The following LARGE1 variants were observed in gnomAD, a reference collection of about 807,000 sequenced individuals.
The protein encoded by LARGE1 is LARGE xylosyl- and glucuronyltransferase 1, also known as xylosyl- and glucuronyltransferase LARGE1.
A neutral mutation model predicts 87.6 loss-of-function variants in LARGE1; 43 were observed. That is an observed-to-expected ratio of 0.49 (90% CI 0.38 to 0.63). The LOEUF (loss-of-function observed/expected upper bound fraction) is 0.63. Among genes scored for constraint, LARGE1 ranks in the 30% least tolerant of loss-of-function variants. LARGE1 has a pLI of 0.00. For synonymous variants in LARGE1, 434 were observed against 394.6 expected, an observed-to-expected ratio of 1.10 and a Z score of -1.18; for missense variants, 802 against 1,000.2, an observed-to-expected ratio of 0.80 and a Z score of 2.67.
chr22:33,635,648 A>C (rs1377813148), intron 3 of LARGE1, among the ~76,000 whole-genome samples: 5 of 152,194 alleles, frequency 3.3e-5, no homozygotes, highest in Non-Finnish European at 7.3e-5. Flanking sequence ...TAACTTGCCC[A>C]AGGTCCGAGG....
chr22:33,124,184 G>A, the LARGE1 span, among the ~76,000 whole-genome samples: 2 of 151,912 alleles, frequency 1.3e-5, no homozygotes, highest in Non-Finnish European at 2.9e-5. Context: ...CTACTCGAGC[G>A]GCTGAGGCAG....
chr22:33,584,257 T>C (rs776078930), intron 5 of LARGE1, among the ~76,000 whole-genome samples: 1 of 152,192 alleles, frequency 6.6e-6, no homozygotes, highest in Non-Finnish European at 1.5e-5. Flanking sequence ...AAGAGCAAGA[T>C]AAAATGCTCT....
intron 11 of LARGE1, among the ~76,000 whole-genome samples, chr22:33,239,779 C>T (rs565714413): frequency 2.0e-5 from 3 of 151,898 alleles, no homozygotes; most frequent in East Asian, 1.9e-4. Flanking sequence ...CCTTGTGATC[C>T]GCCCACCTCG....
intron 12 of LARGE1, among the ~76,000 whole-genome samples, chr22:33,300,189 C>T (rs186331032): frequency 2.0e-4 from 30 of 152,318 alleles, no homozygotes; most frequent in Admixed American, 1.4e-3. Context: ...TGGAGGAAGG[C>T]TGCTTTCCTC....
At position 33,277,177 on chromosome 22, in the gene LARGE1, C is replaced by T. The variant is rs761887557; in HGVS notation, c.1956G>A (p.Glu652=). 1.4e-5 allele frequency: 23 copies of T among 1,614,276 alleles called. No homozygotes were observed. Among genetic ancestry groups the T allele is most frequent in the Non-Finnish European group, 1.9e-5 (23 of 1,180,046 alleles). ...WRTATTPYRV[E]WEADFEPYVV... ...CATACGGCTCAAAATCGGCCTCCCA[C>T]TCAACCCGGTAAGGCGTGGTGGCGG... is the stretch of plus-strand genomic sequence containing the variant. Residue 652 remains glutamate (E), a synonymous_variant, in exon 14 of 15, where the codon GAG becomes GAA. Coordinates refer to ENST00000397394, the MANE Select transcript of LARGE1 (RefSeq NM_133642.5).
chr22:33,166,173 T>C (rs1922255542), exon 12 of LARGE1: 1 of 152,234 alleles, frequency 6.6e-6, no homozygotes, highest in Non-Finnish European at 1.5e-5. Context: ...TTTACGTTGG[T>C]GTTTAAGACT....
At chr22:33,687,415 C>T (rs1470471614) in intron 2 of LARGE1, among the ~76,000 whole-genome samples, 1 of 151,380 alleles carries the variant, frequency 6.6e-6, no homozygotes, top group Non-Finnish European at 1.5e-5. Context: ...TATTCATTAC[C>T]AGCCGATAGA....
At chr22:33,842,595 G>A (rs1193957144) in intron 1 of LARGE1, among the ~76,000 whole-genome samples, 1 of 152,102 alleles carries the variant, frequency 6.6e-6, no homozygotes, top group African/African-American at 2.4e-5. Context: ...AAAACCTGAC[G>A]CGTGCAGGTG....
intron 5 of LARGE1, among the ~76,000 whole-genome samples, chr22:33,594,320 C>A (rs564928464): frequency 1.3e-5 from 2 of 152,204 alleles, no homozygotes; most frequent in East Asian, 3.9e-4. Flanking sequence ...TAACTTTTTC[C>A]AACAACACCT....
At chr22:33,315,287 C>T (rs1343562741) in intron 11 of LARGE1, among the ~76,000 whole-genome samples, 3 of 152,230 alleles carry the variant, frequency 2.0e-5, no homozygotes, top group African/African-American at 7.2e-5. Context: ...ACGTGTTATA[C>T]AACTCCCGAG....
Position 33,789,169 on chromosome 22 carries a change from T to G in LARGE1, c.-82-27611A>C, listed in dbSNP as rs549255558. 1.3e-4 allele frequency among the ~76,000 whole-genome samples: 20 copies of G among 152,322 alleles called. No individual in the cohort carries two copies. In the East Asian group the frequency reaches 3.9e-3, roughly 29 times the overall value. On this transcript the variant is annotated intron_variant, in intron 1 of 14. Coordinates refer to ENST00000397394, the MANE Select transcript of LARGE1 (RefSeq NM_133642.5). ...TTGCTGCTTTCTGCTGTCTCAGGAC[T>G]TGGTGCCCTGTGTCCCAGCCGTGGC...
At chr22:33,869,349 A>G (rs1398800436) in intron 1 of LARGE1, among the ~76,000 whole-genome samples, 1 of 152,114 alleles carries the variant, frequency 6.6e-6, no homozygotes, top group African/African-American at 2.4e-5. Flanking sequence ...GACTGTTTCC[A>G]TAGATATCTA....
At chr22:33,473,189 A>T (rs1360937744) in intron 6 of LARGE1, among the ~76,000 whole-genome samples, 1 of 149,292 alleles carries the variant, frequency 6.7e-6, no homozygotes, top group Non-Finnish European at 1.5e-5. Context: ...TTTCTTTGAG[A>T]TGGAGTTTCA....
intron 1 of LARGE1, among the ~76,000 whole-genome samples, chr22:33,837,034 C>A (rs2063127930): frequency 6.6e-6 from 1 of 152,116 alleles, no homozygotes. Flanking sequence ...AGAACCCAGG[C>A]AGCACACGGG....
intron 6 of LARGE1, among the ~76,000 whole-genome samples, chr22:33,461,916 T>C (rs1253565867): frequency 6.6e-6 from 1 of 152,118 alleles, no homozygotes; most frequent in Non-Finnish European, 1.5e-5. Flanking sequence ...AGAAGTCAAT[T>C]ATCCCTCCAT....
At chr22:33,775,514 C>CT (rs869116743) in intron 1 of LARGE1, among the ~76,000 whole-genome samples, 1 of 108 alleles carries the variant, frequency 9.3e-3, no homozygotes, top group Admixed American at 0.25. Context: ...GGGTAATTTA[C>CT]CCCAGGGGAC....
chr22:33,556,959 T>C (rs570718335), intron 6 of LARGE1, among the ~76,000 whole-genome samples: 3 of 152,234 alleles, frequency 2.0e-5, no homozygotes, highest in Non-Finnish European at 4.4e-5. Context: ...TGAGCTGACA[T>C]TGTGCCACTG....
chr22:33,111,422 C>T, the LARGE1 span, among the ~76,000 whole-genome samples: 107 of 152,136 alleles, frequency 7.0e-4, no homozygotes, highest in Non-Finnish European at 1.4e-3. Flanking sequence ...ATTATAGCCA[C>T]ACAAAGGTAG....
At chr22:33,480,130 C>T (rs1019198540) in intron 6 of LARGE1, among the ~76,000 whole-genome samples, 1 of 152,168 alleles carries the variant, frequency 6.6e-6, no homozygotes, top group African/African-American at 2.4e-5. Context: ...CTACTCAAAG[C>T]AACGGTGCCT....
Sources: allele counts gnomAD v4.1 joint callset (sites outside exome capture counted in the v4.1 genomes callset), GRCh38; gene constraint gnomAD v4.1.1; transcripts MANE v1.5; gene names NCBI Gene and HGNC (gene_info 2026-07-23, HGNC 2026-07-21).